Variants in GBP4 observed in about 807,000 individuals in gnomAD.
GBP4 encodes guanylate binding protein 4, also known as guanylate-binding protein 4.
A neutral mutation model predicts 62.2 loss-of-function variants in GBP4; 69 were observed. The ratio of observed to expected loss-of-function variants is 1.11; its 90% CI spans 0.91 to 1.36. GBP4 has a LOEUF of 1.36. GBP4 is among the 40% of genes most tolerant of loss of function. GBP4 has a pLI of 0.00. For synonymous variants in GBP4, 278 were observed against 274.6 expected, an observed-to-expected ratio of 1.01 and a Z score of -0.12; for missense variants, 697 against 759.3, an observed-to-expected ratio of 0.92 and a Z score of 0.96.
chr1:89,191,318 T>G lies in GBP4; in HGVS notation c.859A>C (p.Ile287Leu), dbSNP rs1303853798. 1.2e-6 allele frequency: 2 copies of G among 1,614,214 alleles called. No individual in the cohort carries two copies. The highest frequency in any genetic ancestry group is 1.7e-6 in the Non-Finnish European group (2 of 1,180,012). The change falls in exon 6 of 11, where the codon ATC becomes CTC. Residue 287 changes from isoleucine to leucine, a missense_variant. By Grantham distance (5) the Ile-to-Leu change is conservative. Coordinates refer to ENST00000355754, the MANE Select transcript of GBP4 (RefSeq NM_052941.5). ...LMQSDNFCSY[I>L]FTHAKTKTLR... ...GTCTTGGTCTTTGCATGGGTGAAGA[T>G]ATAAGAACAGAAGTTGTCTGATTGC...
In GBP4 at chr1:89,188,642, G is replaced by A. The variant is rs143445800; in HGVS notation, c.1350C>T (p.Tyr450=). 2.6e-4 allele frequency: 425 copies of A among 1,614,144 alleles called. No homozygotes were observed. In the African/African-American group the frequency reaches 5.3e-3, roughly 20 times the overall value. Residue 450 remains tyrosine, a synonymous_variant, in exon 8 of 11, where the codon TAC becomes TAT. Transcript: ENST00000355754. The part of the protein sequence containing the change: ...IFSVPGGHNL[Y]LEEKKQVEWD... ...ACTCAACCTGTTTCTTTTCTTCTAA[G>A]TAGAGATTGTGTCCTCCAGGAACAG... is the stretch of plus-strand genomic sequence containing the variant.
In GBP4 at chr1:89,185,344, A is replaced by G; in HGVS notation, c.1833T>C (p.Leu611=). 6.2e-7 allele frequency: 1 copy of G among 1,612,812 alleles called. No individual in the cohort carries two copies. The highest frequency in any genetic ancestry group is 8.5e-7 in the Non-Finnish European group (1 of 1,178,818). ...KNEQLRLLKI[L]DMASNIMIVT... Reference sequence around the variant, plus strand: ...CAATCATTATGTTGCTAGCCATGTCAAGGATCTTTAAGAGCCTTAACTGTT... The same window carrying G: ...CAATCATTATGTTGCTAGCCATGTCGAGGATCTTTAAGAGCCTTAACTGTT... Residue 611 remains leucine, a synonymous_variant, in exon 11 of 11, where the codon CTT becomes CTC. Transcript: ENST00000355754.
In GBP4 at chr1:89,182,421, A is replaced by G. The variant is rs1382207968; in HGVS notation, c.*2833T>C. 1 of 151,966 alleles carries G rather than the reference A, an allele frequency of 6.6e-6. No homozygotes were observed. Among genetic ancestry groups the G allele is most frequent in the Non-Finnish European group, 1.5e-5 (1 of 67,994 alleles). The allele number at this position is 151,966 out of a possible 1,614,324, so 9.4% of individuals were successfully genotyped here. A position where few individuals can be genotyped will look rare whatever the true frequency, so the allele number is the denominator to read the frequency against. On this transcript the variant is annotated 3_prime_UTR_variant, in exon 11 of 11. Transcript: ENST00000355754. The stretch of plus-strand genomic sequence containing the variant: ...ACAGAACAAGGCAGTGAGTTTCCAA[A>G]TGTTCTTCTATACAATGTCTGGAAT...
intron 8 of GBP4, 33 bp from the exon 9 acceptor site, chr1:89,187,135 G>T: frequency 6.4e-7 from 1 of 1,553,106 alleles, no homozygotes; most frequent in Non-Finnish European, 8.9e-7. Context: ...AGACCTGTCA[G>T]GCAGCAAAGG....
rs768802950 is a variant in GBP4 at position 89,195,362 on chromosome 1, G to T, written c.298C>A (p.His100Asn). 1.2e-6 allele frequency: 2 copies of T among 1,613,974 alleles called. No individual in the cohort carries two copies. The highest frequency in any genetic ancestry group is 3.3e-5 in the Admixed American group (2 of 60,008). The change falls in exon 3 of 11, where the codon CAC becomes AAC. Residue 100 changes from histidine (H) to asparagine (N), a missense_variant. His to Asn is a moderately conservative substitution (Grantham distance 68). Around this residue, in one of 2 missense-constraint regions of GBP4, gnomAD observed 556 missense variants for 562.7 expected, o/e 0.99. Transcript: ENST00000355754. The stretch of plus-strand genomic sequence containing the variant: ...AGGGTGTGGTTTGGCTTAGAGAGGT[G>T]GGGCACACACCACATCCAGATGCCC... ...TKGIWMWCVP[H>N]LSKPNHTLVL...
intron 10 of GBP4, 140 bp from the exon 11 acceptor site, chr1:89,185,609 A>G: frequency 1.7e-6 from 1 of 598,434 alleles, no homozygotes; most frequent in East Asian, 2.8e-5. Flanking sequence ...AATTTGTGTA[A>G]CATTTCCAGA....
intron 8 of GBP4, among the ~76,000 whole-genome samples, chr1:89,187,976 A>C (rs1307624413): frequency 6.6e-6 from 1 of 152,204 alleles, no homozygotes; most frequent in African/African-American, 2.4e-5. Context: ...TGTCAAGTAC[A>C]TAGGTCAGCC....
intron 5 of GBP4, 35 bp from the exon 6 acceptor site, chr1:89,191,541 G>A: frequency 1.3e-6 from 2 of 1,598,236 alleles, no homozygotes; most frequent in Non-Finnish European, 1.7e-6. Context: ...TCATTGAAGA[G>A]ACAGCCTGCA....
Position 89,195,314 on chromosome 1 carries a change from G to C in GBP4, c.346C>G (p.Leu116Val). Reference sequence around the variant, plus strand: ...TGCCTTACCTTTTCTACATCGCCCAGGCCCTCGGTGTCCAGAAGGACCAGG... The same window carrying C: ...TGCCTTACCTTTTCTACATCGCCCACGCCCTCGGTGTCCAGAAGGACCAGG... Reference protein sequence around the residue: ...HTLVLLDTEGLGDVEKSNPKN... With the variant: ...HTLVLLDTEGVGDVEKSNPKN... Residue 116 changes from leucine (L) to valine (V), a missense_variant, in exon 3 of 11, where the codon CTG (leucine) becomes GTG (valine). Around this residue, in one of 2 missense-constraint regions of GBP4, gnomAD observed 556 missense variants for 562.7 expected, o/e 0.99. Coordinates refer to ENST00000355754, the MANE Select transcript of GBP4 (RefSeq NM_052941.5). The C allele has an allele frequency of 6.2e-7, 1 of 1,613,950 alleles. No individual in the cohort carries two copies. Among genetic ancestry groups the C allele is most frequent in the South Asian group, 1.1e-5 (1 of 91,074 alleles).
At chr1:89,193,182 CT>C in intron 4 of GBP4, 82 bp from the exon 5 acceptor site, 1 of 1,532,736 alleles carries the variant, frequency 6.5e-7, no homozygotes, top group Non-Finnish European at 9.0e-7. Context: ...TACACGTTCC[CT>C]TTTGCACTCT....
chr1:89,198,845 TC>T lies in GBP4; in HGVS notation c.-12del. The T allele has an allele frequency of 6.2e-7, 1 of 1,613,560 alleles. No individual in the cohort carries two copies. Among genetic ancestry groups the T allele is most frequent in the Non-Finnish European group, 8.5e-7 (1 of 1,179,460 alleles). ...AGTTCTCTCACCCATTGCTCTGTCC[TC>T]CTGCGCCTGGATCCTCGAGAAACGG... On this transcript the variant is annotated 5_prime_UTR_variant, in exon 1 of 11. Transcript: ENST00000355754.
intron 1 of GBP4, 130 bp downstream of exon 1, chr1:89,198,665 C>T (rs1313341257): frequency 1.2e-6 from 1 of 811,290 alleles, no homozygotes. Flanking sequence ...CGCGAGGTTC[C>T]TCCACTGCCT....
chr1:89,192,814 T>G lies in GBP4; in HGVS notation c.670+90A>C. On this transcript the variant is annotated intron_variant, in intron 5 of 10. Coordinates refer to ENST00000355754, the MANE Select transcript of GBP4 (RefSeq NM_052941.5). ...TGGGCCTCAAATCAATCCAGTCTAA[T>G]GTAAACATTTGTGTCAGGTGCTGAA... 4 of 1,218,078 alleles carry G rather than the reference T, an allele frequency of 3.3e-6. No homozygotes were observed. In the South Asian group the frequency reaches 6.0e-5, roughly 18 times the overall value. The allele number at this position is 1,218,078 out of a possible 1,614,324, so 75.5% of individuals were successfully genotyped here.
rs560868087 is a variant in GBP4 at position 89,190,089 on chromosome 1, G to T, written c.1146C>A (p.Phe382Leu). 1.2e-6 allele frequency: 2 copies of T among 1,614,090 alleles called. No homozygotes were observed. The highest frequency in any genetic ancestry group is 3.3e-5 in the Admixed American group (2 of 60,020). Residue 382 changes from phenylalanine (F) to leucine (L), a missense_variant, in exon 7 of 11, where the codon TTC becomes TTA. Coordinates refer to ENST00000355754, the MANE Select transcript of GBP4 (RefSeq NM_052941.5). ...TTTCATCCTTGAAGGAGTGCTCCAT[G>T]AAGACTGCAATGGCTTCCCTCTCAC... is the stretch of plus-strand genomic sequence containing the variant. ...AACEREAIAV[F>L]MEHSFKDENH...
At chr1:89,194,587 A>G (rs930001073) in intron 3 of GBP4, among the ~76,000 whole-genome samples, 2 of 152,116 alleles carry the variant, frequency 1.3e-5, no homozygotes, top group African/African-American at 4.8e-5. Context: ...TTCAATTCAG[A>G]CATAAGACTA....
chr1:89,196,868 G>A (rs1025553630), intron 2 of GBP4, among the ~76,000 whole-genome samples: 3 of 152,228 alleles, frequency 2.0e-5, no homozygotes, highest in African/African-American at 7.2e-5. Flanking sequence ...CCCCTGAAGA[G>A]GTGAGCATAG....
intron 6 of GBP4, 30 bp from the exon 7 acceptor site, chr1:89,190,348 C>A: frequency 6.5e-7 from 1 of 1,543,018 alleles, no homozygotes; most frequent in South Asian, 1.2e-5. Context: ...GGAAAATTTA[C>A]AGTTCTTACT....
At chr1:89,196,105 A>C (rs535392641) in intron 2 of GBP4, among the ~76,000 whole-genome samples, 3 of 152,204 alleles carry the variant, frequency 2.0e-5, no homozygotes, top group Non-Finnish European at 4.4e-5. Flanking sequence ...GATTTTGTAC[A>C]TGTGCACCAG....
At position 89,190,072 on chromosome 1, in the gene GBP4, T is replaced by C. The variant is rs1340497269; in HGVS notation, c.1163A>G (p.Lys388Arg). 6.2e-7 allele frequency: 1 copy of C among 1,613,248 alleles called. No individual in the cohort carries two copies. Among genetic ancestry groups the C allele is most frequent in the African/African-American group, 1.3e-5 (1 of 74,922 alleles). Residue 388 changes from lysine (K) to arginine (R), a missense_variant, in exon 7 of 11, where the codon AAG becomes AGG. Physicochemically the swap from Lys to Arg is conservative, Grantham distance 26 (BLOSUM62 2). Coordinates refer to ENST00000355754, the MANE Select transcript of GBP4 (RefSeq NM_052941.5). ...AIAVFMEHSF[K>R]DENHEFQKKL... ...CTTCTGGAATTCATGGTTTTCATCC[T>C]TGAAGGAGTGCTCCATGAAGACTGC...
Sources: allele counts gnomAD v4.1 joint callset (sites outside exome capture counted in the v4.1 genomes callset), GRCh38; gene constraint gnomAD v4.1.1; regional missense constraint gnomAD v4.1.1; transcripts MANE v1.5; gene names NCBI Gene and HGNC (gene_info 2026-07-23, HGNC 2026-07-21).